Variants in SELENOF observed in about 807,000 individuals in gnomAD.
SELENOF encodes 15 kDa selenoprotein.
In SELENOF, 16 loss-of-function variants were observed where a neutral mutation model predicts 20.5. The observed-to-expected ratio is 0.78, with a 90% CI of 0.53 to 1.19. The LOEUF (loss-of-function observed/expected upper bound fraction) is 1.19. Ranked by LOEUF, SELENOF falls within the 50% of genes most tolerant of loss-of-function variation. SELENOF has a pLI of 0.00. For synonymous variants in SELENOF, 78 were observed against 74.5 expected, an observed-to-expected ratio of 1.05 and a Z score of -0.24; for missense variants, 215 against 194.2, an observed-to-expected ratio of 1.11 and a Z score of -0.64.
chr1:86,888,030 G>A (rs2102099724), intron 2 of SELENOF, among the ~76,000 whole-genome samples: 1 of 152,260 alleles, frequency 6.6e-6, no homozygotes, highest in Admixed American at 6.5e-5. Flanking sequence ...GGAGGCCGAG[G>A]TGGGCTGATC....
At position 86,881,246 on chromosome 1, in the gene SELENOF, CAA is replaced by C. The variant is rs1213994365; in HGVS notation, c.253-523_253-522del. ...CAGTAAAATCTCATTATAAAGAACT[CAA>C]ATGCAAATATTTTCCTTTAATGAAA... On this transcript the variant is annotated intron_variant, in intron 2 of 4. Transcript: ENST00000331835. Among the ~76,000 whole-genome samples, 8 of 152,248 alleles carry C rather than the reference CAA, an allele frequency of 5.3e-5. No individual in the cohort carries two copies. The East Asian group carries it at 1.3e-3, about 26-fold the overall frequency.
chr1:86,871,850 C>T (rs1658778051), intron 3 of SELENOF, among the ~76,000 whole-genome samples: 1 of 152,138 alleles, frequency 6.6e-6, no homozygotes, highest in African/African-American at 2.4e-5. Flanking sequence ...ACATTGTAAT[C>T]ACCTCATGTG....
At chr1:86,897,027 C>T (rs559097885) in intron 2 of SELENOF, among the ~76,000 whole-genome samples, 3 of 152,184 alleles carry the variant, frequency 2.0e-5, no homozygotes, top group Non-Finnish European at 2.9e-5. Flanking sequence ...AAGAGCAGGC[C>T]GGGCACGGTG....
chr1:86,887,786 C>G lies in SELENOF; in HGVS notation c.253-7061G>C, dbSNP rs183667199. 3.9e-3 allele frequency among the ~76,000 whole-genome samples: 594 copies of G among 152,132 alleles called. 3 individuals carry two copies. The highest frequency in any genetic ancestry group is 0.014 in the African/African-American group (564 of 41,510). ...TTAGGAAAAAAAATACATCCCCAGT[C>G]CCCACCCCTATGTATACTTTAGCTA... On this transcript the variant is annotated intron_variant, in intron 2 of 4. Transcript: ENST00000331835.
intron 3 of SELENOF, among the ~76,000 whole-genome samples, chr1:86,876,692 A>G (rs917909222): frequency 3.9e-5 from 6 of 152,242 alleles, no homozygotes; most frequent in African/African-American, 1.4e-4. Context: ...GAGTCAGAAG[A>G]GAAGAAAATC....
intron 4 of SELENOF, among the ~76,000 whole-genome samples, chr1:86,864,398 A>G (rs1658539569): frequency 6.6e-6 from 1 of 152,238 alleles, no homozygotes; most frequent in South Asian, 2.1e-4. Flanking sequence ...GTAGCATTGG[A>G]TAACTAACAA....
At chr1:86,886,781 T>C (rs1036205103) in intron 2 of SELENOF, among the ~76,000 whole-genome samples, 2 of 152,100 alleles carry the variant, frequency 1.3e-5, no homozygotes, top group African/African-American at 4.8e-5. Flanking sequence ...ATTTTATAGG[T>C]CTATTGAAGG....
chr1:86,892,187 C>T (rs1294262602), intron 2 of SELENOF, among the ~76,000 whole-genome samples: 1 of 152,048 alleles, frequency 6.6e-6, no homozygotes, highest in Non-Finnish European at 1.5e-5. Context: ...CCCCCCGGCA[C>T]GTTGCCTCCC....
chr1:86,872,480 T>C (rs1163275926), intron 3 of SELENOF, among the ~76,000 whole-genome samples: 1 of 151,820 alleles, frequency 6.6e-6, no homozygotes, highest in Non-Finnish European at 1.5e-5. Flanking sequence ...GCGATTCTCC[T>C]GCCTCAGCCT....
chr1:86,876,589 C>T (rs1658929122), intron 3 of SELENOF, among the ~76,000 whole-genome samples: 1 of 152,100 alleles, frequency 6.6e-6, no homozygotes, highest in African/African-American at 2.4e-5. Flanking sequence ...ATAAGAAATA[C>T]AATTTCTAAC....
intron 3 of SELENOF, among the ~76,000 whole-genome samples, chr1:86,869,061 G>T (rs1658686022): frequency 6.6e-6 from 1 of 151,994 alleles, no homozygotes; most frequent in South Asian, 2.1e-4. Context: ...ACTCACATTC[G>T]GAATTACAAA....
At chr1:86,882,463 T>A (rs1317493916) in intron 2 of SELENOF, among the ~76,000 whole-genome samples, 7 of 135,540 alleles carry the variant, frequency 5.2e-5, no homozygotes, top group Admixed American at 3.9e-4. Flanking sequence ...CACAATGAGA[T>A]CCCACTTCAC....
rs746845486 is a variant in SELENOF, at chr1:86,863,566, C to T, written c.406G>A (p.Asp136Asn). The T allele has an allele frequency of 7.4e-6, 12 of 1,613,386 alleles. No individual in the cohort carries two copies. The South Asian group carries it at 7.7e-5, about 10-fold the overall frequency. ...AGTTCTTCAGCAATGTTCCCATTGT[C>T]GTCCAAAAGCTTTAATACAGGGTCT... Reference protein sequence around the residue: ...GSDPVLKLLDDNGNIAEELSI... With the variant: ...GSDPVLKLLDNNGNIAEELSI... Residue 136 changes from aspartate (D) to asparagine (N), a missense_variant, in exon 5 of 5, where the codon GAC (aspartate) becomes AAC (asparagine). Asp to Asn is a conservative substitution (Grantham distance 23). Transcript: ENST00000331835.
At chr1:86,883,539 T>C (rs905202943) in intron 2 of SELENOF, among the ~76,000 whole-genome samples, 2 of 152,142 alleles carry the variant, frequency 1.3e-5, no homozygotes, top group Non-Finnish European at 2.9e-5. Context: ...ATAGTTAAAA[T>C]AGTGAATAGT....
intron 2 of SELENOF, among the ~76,000 whole-genome samples, chr1:86,898,034 T>C (rs910098306): frequency 6.6e-6 from 1 of 152,242 alleles, no homozygotes; most frequent in African/African-American, 2.4e-5. Context: ...TTATATTCCT[T>C]AGTAAATACT....
At chr1:86,905,685 C>T (rs532917036) in intron 1 of SELENOF, among the ~76,000 whole-genome samples, 14 of 152,170 alleles carry the variant, frequency 9.2e-5, no homozygotes, top group Non-Finnish European at 1.9e-4. Context: ...ATAAATCGCA[C>T]AAAGCCATAG....
intron 1 of SELENOF, 114 bp downstream of exon 1, chr1:86,913,914 T>C: frequency 2.1e-6 from 2 of 970,498 alleles, no homozygotes; most frequent in South Asian, 1.3e-5. Flanking sequence ...GCAGCAGTCA[T>C]TAAGGAAGCG....
intron 2 of SELENOF, among the ~76,000 whole-genome samples, chr1:86,881,444 CCTGA>C (rs578068829): frequency 1.4e-3 from 212 of 152,240 alleles, no homozygotes; most frequent in African/African-American, 5.0e-3. Context: ...AGTTGCAGAG[CCTGA>C]CTATTCTTTT....
At position 86,902,720 on chromosome 1, in the gene SELENOF, G is replaced by A. The variant is rs567583589; in HGVS notation, c.252+561C>T. ...CACTATTAATTTGTTTGAACAGCAG[G>A]TTTTAAAACATAGTAGGTTTACCTG... On this transcript the variant is annotated intron_variant, in intron 2 of 4. Transcript: ENST00000331835. Among the ~76,000 whole-genome samples, 26 of 152,246 alleles carry A rather than the reference G, an allele frequency of 1.7e-4. No homozygotes were observed. In the South Asian group the frequency reaches 5.4e-3, roughly 32 times the overall value.
Sources: gnomAD v4.1 joint callset for allele counts (sites outside exome capture counted in the v4.1 genomes callset) on GRCh38, gnomAD v4.1.1 for gene constraint, MANE v1.5 for transcripts, NCBI Gene and HGNC (gene_info 2026-07-23, HGNC 2026-07-21) for gene names.